The following SLC4A10 variants were observed in gnomAD, a reference collection of about 807,000 sequenced individuals.
The protein encoded by SLC4A10 is solute carrier family 4 member 10.
In SLC4A10, 42 loss-of-function variants were observed where a neutral mutation model predicts 137.7. That is an observed-to-expected ratio of 0.30 (90% confidence interval 0.24 to 0.39). SLC4A10 has a LOEUF of 0.39. Among genes scored for constraint, SLC4A10 ranks in the 10% least tolerant of loss-of-function variants. SLC4A10 has a pLI of 1.00. For missense variants in SLC4A10, 925 were observed against 1,355.0 expected (o/e 0.68, Z 4.98); for synonymous variants, 474 against 464.1 (o/e 1.02, Z -0.27).
At chr2:161,673,049 G>A (rs1215689718) in intron 1 of SLC4A10, among the ~76,000 whole-genome samples, 2 of 152,168 alleles carry the variant, frequency 1.3e-5, no homozygotes, top group Non-Finnish European at 2.9e-5. Context: ...TACTGCACTG[G>A]GAAACTGCGC....
intron 2 of SLC4A10, among the ~76,000 whole-genome samples, chr2:161,785,948 T>G (rs1201656999): frequency 6.6e-6 from 1 of 151,920 alleles, no homozygotes; most frequent in Non-Finnish European, 1.5e-5. Context: ...TGGTCAAGAG[T>G]GCAGTTTAAG....
chr2:161,748,267 T>C (rs2048589392), intron 1 of SLC4A10, among the ~76,000 whole-genome samples: 1 of 152,110 alleles, frequency 6.6e-6, no homozygotes, highest in Admixed American at 6.6e-5. Context: ...TGCAGAAACT[T>C]CTTAGTTTCA....
intron 1 of SLC4A10, among the ~76,000 whole-genome samples, chr2:161,736,792 G>T (rs1404074711): frequency 1.3e-5 from 2 of 152,178 alleles, no homozygotes; most frequent in African/African-American, 4.8e-5. Context: ...TAAAACAATT[G>T]TAAGAGTTTC....
intron 8 of SLC4A10, among the ~76,000 whole-genome samples, chr2:161,874,543 A>G (rs879925356): frequency 6.6e-6 from 1 of 152,326 alleles, no homozygotes; most frequent in East Asian, 1.9e-4. Flanking sequence ...AAACTATGGA[A>G]GAGTCAAACT....
intron 1 of SLC4A10, among the ~76,000 whole-genome samples, chr2:161,747,611 G>T (rs935744844): frequency 6.6e-6 from 1 of 152,116 alleles, no homozygotes; most frequent in African/African-American, 2.4e-5. Flanking sequence ...TCATTGGAAG[G>T]TTCTGTTTGG....
At chr2:161,700,874 T>G (rs1010900082) in intron 1 of SLC4A10, among the ~76,000 whole-genome samples, 1 of 152,168 alleles carries the variant, frequency 6.6e-6, no homozygotes, top group African/African-American at 2.4e-5. Flanking sequence ...AAACTACTGC[T>G]CAGCCATGTA....
chr2:161,719,205 C>T (rs936585725), intron 1 of SLC4A10, among the ~76,000 whole-genome samples: 6 of 152,106 alleles, frequency 3.9e-5, no homozygotes, highest in Non-Finnish European at 7.4e-5. Context: ...TTTCCAGCTT[C>T]ATCCATGTCC....
At chr2:161,869,519 A>G (rs1246688266) in intron 6 of SLC4A10, among the ~76,000 whole-genome samples, 2 of 151,758 alleles carry the variant, frequency 1.3e-5, no homozygotes, top group African/African-American at 4.8e-5. Flanking sequence ...GGTTTTATAT[A>G]TACAGCAAAT....
chr2:161,820,153 T>TC (rs1387463044), intron 3 of SLC4A10, among the ~76,000 whole-genome samples: 1 of 152,136 alleles, frequency 6.6e-6, no homozygotes, highest in Non-Finnish European at 1.5e-5. Flanking sequence ...TAGGATTTTG[T>TC]CAGTCTTAGG....
At chr2:161,630,336 G>C (rs538730735) in intron 1 of SLC4A10, among the ~76,000 whole-genome samples, 1 of 151,692 alleles carries the variant, frequency 6.6e-6, no homozygotes, top group African/African-American at 2.4e-5. Context: ...TAGGGTGATG[G>C]CCTCACATAC....
rs142679248 is a variant in SLC4A10, at chr2:161,716,274, T to C, written c.49-54699T>C. On this transcript the variant is annotated intron_variant, in intron 1 of 26. Coordinates refer to ENST00000446997, the MANE Select transcript of SLC4A10 (RefSeq NM_001178015.2). ...TGGATTGCAAAAATCTCCCATTCTG[T>C]AGGTTGTCTGTTTTCTCTGATGATA... Among the ~76,000 whole-genome samples, 4 of 152,164 alleles carry C rather than the reference T, an allele frequency of 2.6e-5. No homozygotes were observed. In the East Asian group the frequency reaches 7.7e-4, roughly 29 times the overall value.
At chr2:161,865,863 T>A (rs10497224) in intron 6 of SLC4A10, among the ~76,000 whole-genome samples, 46,807 of 151,766 alleles carry the variant, frequency 0.31, 7,540 homozygotes, top group Admixed American at 0.4. Context: ...TGTGCAATAG[T>A]TCAGAGAGAT....
chr2:161,845,608 G>A (rs2125816952), intron 4 of SLC4A10, among the ~76,000 whole-genome samples: 1 of 152,180 alleles, frequency 6.6e-6, no homozygotes, highest in Non-Finnish European at 1.5e-5. Context: ...AGAATAATTG[G>A]ATTTTTTAAA....
intron 1 of SLC4A10, among the ~76,000 whole-genome samples, chr2:161,745,568 C>T (rs1275510383): frequency 6.6e-6 from 1 of 151,908 alleles, no homozygotes; most frequent in Admixed American, 6.6e-5. Flanking sequence ...GTCACTGGTG[C>T]CTTCTTTTGT....
At chr2:161,842,635 TAC>T (rs2059252117) in intron 4 of SLC4A10, among the ~76,000 whole-genome samples, 1 of 152,152 alleles carries the variant, frequency 6.6e-6, no homozygotes, top group African/African-American at 2.4e-5. Flanking sequence ...TGTATTGTAA[TAC>T]TTTAAATATA....
At chr2:161,776,687 G>A (rs2052379532) in intron 2 of SLC4A10, among the ~76,000 whole-genome samples, 1 of 151,832 alleles carries the variant, frequency 6.6e-6, no homozygotes, top group Non-Finnish European at 1.5e-5. Flanking sequence ...GATCTTGTTT[G>A]CAATTCTTTT....
chr2:161,644,861 TGAAAC>T (rs1342843126), intron 1 of SLC4A10, among the ~76,000 whole-genome samples: 2 of 152,114 alleles, frequency 1.3e-5, no homozygotes, highest in Non-Finnish European at 2.9e-5. Context: ...AACACACAAA[TGAAAC>T]AAAATAAAAT....
At chr2:161,729,035 G>C (rs1243451283) in intron 1 of SLC4A10, among the ~76,000 whole-genome samples, 1 of 151,800 alleles carries the variant, frequency 6.6e-6, no homozygotes, top group African/African-American at 2.4e-5. Flanking sequence ...ACTATAAATA[G>C]AAGGAAACTT....
chr2:161,802,013 G>A (rs1027226711), intron 2 of SLC4A10, among the ~76,000 whole-genome samples: 1 of 152,096 alleles, frequency 6.6e-6, no homozygotes, highest in South Asian at 2.1e-4. Context: ...ACACATATAT[G>A]TATTAATTCA....
Sources: gnomAD v4.1 joint callset for allele counts (sites outside exome capture counted in the v4.1 genomes callset) on GRCh38, gnomAD v4.1.1 for gene constraint, MANE v1.5 for transcripts, NCBI Gene and HGNC (gene_info 2026-07-23, HGNC 2026-07-21) for gene names.